Variants in COL6A6 observed in about 807,000 individuals in gnomAD.
The protein encoded by COL6A6 is collagen alpha-6(VI) chain.
In COL6A6, 183 loss-of-function variants were observed where a neutral mutation model predicts 208.6. That is an observed-to-expected ratio of 0.88 (90% CI 0.78 to 0.99). The LOEUF (loss-of-function observed/expected upper bound fraction) is 0.99. Ranked by LOEUF, COL6A6 falls within the 50% of genes least tolerant of loss-of-function variation. The pLI is 0.00. For missense variants in COL6A6, 2,816 were observed against 2,815.2 expected (o/e 1.00, Z -0.01); for synonymous variants, 973 against 1,011.8 (o/e 0.96, Z 0.73).
chr3:130,560,480 T>A, intron 2 of COL6A6, 52 bp downstream of exon 2: 2 of 1,475,312 alleles, frequency 1.4e-6, no homozygotes, highest in Non-Finnish European at 9.4e-7. Flanking sequence ...AAATAGATAA[T>A]ACATGAGTTT....
chr3:130,523,613 A>G (rs982976778), intron 1 of COL6A6, among the ~76,000 whole-genome samples: 2 of 152,294 alleles, frequency 1.3e-5, no homozygotes, highest in South Asian at 4.2e-4. Flanking sequence ...CTCAATACAT[A>G]GAAGTTATTT....
At chr3:130,572,131 T>C (rs2063183512) in intron 7 of COL6A6, among the ~76,000 whole-genome samples, 1 of 152,220 alleles carries the variant, frequency 6.6e-6, no homozygotes, top group South Asian at 2.1e-4. Context: ...TCCTTCAGGC[T>C]AGAAGTCACC....
chr3:130,650,454 CTACTAAAAA>C, intron 33 of COL6A6, among the ~76,000 whole-genome samples: 1 of 152,196 alleles, frequency 6.6e-6, no homozygotes, highest in South Asian at 2.1e-4. Flanking sequence ...AACCCCGTCT[CTACTAAAAA>C]TACAAAAATT....
chr3:130,587,686 A>G (rs796988553), intron 11 of COL6A6, among the ~76,000 whole-genome samples: 13 of 152,390 alleles, frequency 8.5e-5, no homozygotes, highest in African/African-American at 3.1e-4. Context: ...TAATCAGTAT[A>G]TGAGAACACT....
intron 36 of COL6A6, among the ~76,000 whole-genome samples, 154 bp downstream of exon 36, chr3:130,665,250 G>C (rs188754266): frequency 9.6e-4 from 146 of 151,892 alleles, no homozygotes; most frequent in Middle Eastern, 3.4e-3. Context: ...GAAGGAACAA[G>C]AGATAACTTT....
chr3:130,637,247 A>T (rs1023526045), intron 28 of COL6A6, among the ~76,000 whole-genome samples: 3 of 148,960 alleles, frequency 2.0e-5, no homozygotes, highest in African/African-American at 5.0e-5. Context: ...ATTGGAAAAG[A>T]CTTTCAAATT....
chr3:130,643,663 C>CA (rs1273741632), intron 31 of COL6A6, among the ~76,000 whole-genome samples: 1 of 151,858 alleles, frequency 6.6e-6, no homozygotes, highest in Admixed American at 6.6e-5. Flanking sequence ...TTGATACCAT[C>CA]AAAAAAAATT....
chr3:130,589,049 C>T, intron 11 of COL6A6, 41 bp from the exon 12 acceptor site: 1 of 1,477,154 alleles, frequency 6.8e-7, no homozygotes, highest in Non-Finnish European at 9.4e-7. Context: ...ATTTGGGAAG[C>T]AATACCACCA....
intron 36 of COL6A6, among the ~76,000 whole-genome samples, chr3:130,671,240 G>A (rs1905685): frequency 0.36 from 54,079 of 152,042 alleles, 12,616 homozygotes; most frequent in African/African-American, 0.66. Flanking sequence ...CATGAATGCT[G>A]CAAGGACACA....
intron 1 of COL6A6, among the ~76,000 whole-genome samples, chr3:130,531,133 G>T (rs183100061): frequency 6.8e-6 from 1 of 146,018 alleles, no homozygotes; most frequent in South Asian, 2.2e-4. Flanking sequence ...ATTTTGTTTC[G>T]CTGGAGAACC....
chr3:130,655,228 T>C (rs988349996), intron 33 of COL6A6, among the ~76,000 whole-genome samples: 2 of 152,140 alleles, frequency 1.3e-5, no homozygotes, highest in Non-Finnish European at 2.9e-5. Context: ...GGTTAAATCT[T>C]TCCCACGGTG....
rs769732239 is a variant in COL6A6, at chr3:130,560,398, TG to T, written c.35del (p.Cys12PhefsTer6). 1 of 1,612,198 alleles carries T rather than the reference TG, an allele frequency of 6.2e-7. No homozygotes were observed. The highest frequency in any genetic ancestry group is 8.5e-7 in the Non-Finnish European group (1 of 1,179,284). ...MLLILFLVII[C>X]SHISVNQDSG... is the part of the protein sequence containing the mutation. ...GCTAATTTTGTTCCTCGTGATAATT[TG>T]TTCCCATATTTCTGTGAACCAAGAT... On this transcript the variant is annotated frameshift_variant, in exon 2 of 37. Coordinates refer to ENST00000358511, the MANE Select transcript of COL6A6 (RefSeq NM_001102608.3). LOFTEE classifies it high-confidence loss of function.
chr3:130,527,890 C>CTTTTTTTTTTTTTTTTTTTTTT (rs56110472), intron 1 of COL6A6, among the ~76,000 whole-genome samples: 6 of 57,810 alleles, frequency 1.0e-4, no homozygotes, highest in Admixed American at 2.2e-4. Flanking sequence ...GTTACTTTTC[C>CTTTTTTTTTTTTTTTTTTTTTT]TTTTTTTTTT....
intron 23 of COL6A6, among the ~76,000 whole-genome samples, chr3:130,618,358 A>G (rs2064599807): frequency 1.3e-5 from 2 of 152,206 alleles, no homozygotes; most frequent in Admixed American, 6.5e-5. Context: ...AAAATAGAAG[A>G]CTATTTACCA....
Position 130,568,287 on chromosome 3 carries a change from T to G in COL6A6, c.2084T>G (p.Ile695Ser). 1 of 1,614,002 alleles carries G rather than the reference T, an allele frequency of 6.2e-7. No individual in the cohort carries two copies. Among genetic ancestry groups the G allele is most frequent in the Non-Finnish European group, 8.5e-7 (1 of 1,179,894 alleles). Residue 695 changes from isoleucine to serine, a missense_variant, in exon 6 of 37, where the codon ATT becomes AGT. By Grantham distance (142) the Ile-to-Ser change is moderately radical (BLOSUM62 -2). Coordinates refer to ENST00000358511, the MANE Select transcript of COL6A6 (RefSeq NM_001102608.3). ...AATGCAATAGACCAAATGGCTCACA[T>G]TGGACAAACCACCCTGACTGGTAGT... ...ISNAIDQMAH[I>S]GQTTLTGSAL... is the part of the protein sequence containing the mutation.
chr3:130,546,723 G>A (rs960659565), intron 1 of COL6A6, among the ~76,000 whole-genome samples: 3 of 152,090 alleles, frequency 2.0e-5, no homozygotes, highest in African/African-American at 4.8e-5. Flanking sequence ...ACAGAGCACC[G>A]ACTGGTGCGT....
chr3:130,600,020 C>T (rs116061857), intron 20 of COL6A6, among the ~76,000 whole-genome samples: 14 of 152,208 alleles, frequency 9.2e-5, no homozygotes, highest in African/African-American at 2.4e-4. Flanking sequence ...CAGAGCAGAT[C>T]GCCAGTCAGG....
intron 22 of COL6A6, among the ~76,000 whole-genome samples, chr3:130,609,471 T>A (rs77975505): frequency 0.02 from 3,096 of 152,238 alleles, 56 homozygotes; most frequent in East Asian, 0.048. Context: ...CACTTTTTCC[T>A]TTGCAAGGAA....
rs1320633546 is a variant in COL6A6, at chr3:130,649,218, G to T, written c.5389G>T (p.Gly1797Ter). The T allele has an allele frequency of 2.5e-6, 4 of 1,592,540 alleles. No homozygotes were observed. The South Asian group carries it at 4.6e-5, about 18-fold the overall frequency. ...IKVRENSCPVGAHIAILSYNS... is the reference protein window; with the variant it reads ...IKVRENSCPV Reference sequence around the variant, plus strand: ...GGTCCGGGAGAACAGCTGCCCCGTGGGAGCGCACATCGCCATCCTCTCCTA... The same window carrying T: ...GGTCCGGGAGAACAGCTGCCCCGTGTGAGCGCACATCGCCATCCTCTCCTA... Residue 1797 changes from glycine to a stop codon, truncating the protein, a stop_gained, in exon 33 of 37, where the codon GGA becomes TGA. Coordinates refer to ENST00000358511, the MANE Select transcript of COL6A6 (RefSeq NM_001102608.3). LOFTEE classifies it high-confidence loss of function.
Sources: allele counts gnomAD v4.1 joint callset (sites outside exome capture counted in the v4.1 genomes callset), GRCh38; gene constraint gnomAD v4.1.1; transcripts MANE v1.5; gene names NCBI Gene and HGNC (gene_info 2026-07-23, HGNC 2026-07-21).